IGBP1: variants seen among roughly 807,000 people sequenced by gnomAD.
IGBP1 encodes immunoglobulin-binding protein 1.
A neutral mutation model predicts 25.9 loss-of-function variants in IGBP1; 2 were observed. The observed-to-expected ratio is 0.08, with a 90% CI of 0.03 to 0.24. IGBP1 has a LOEUF of 0.24. IGBP1 is among the 10% of genes least tolerant of loss of function. The pLI, the probability that IGBP1 is intolerant of heterozygous loss-of-function variation, is 1.00. For synonymous variants in IGBP1, 96 were observed against 93.4 expected, an observed-to-expected ratio of 1.03 and a Z score of -0.16; for missense variants, 187 against 260.4, an observed-to-expected ratio of 0.72 and a Z score of 1.94.
chrX:70,145,919 C>T lies in IGBP1; in HGVS notation c.483-714C>T, dbSNP rs904157958. 7.1e-5 allele frequency among the ~76,000 whole-genome samples: 8 copies of T among 112,126 alleles called. 1 individual carries two copies. Among genetic ancestry groups the T allele is most frequent in the Admixed American group, 5.7e-4 (6 of 10,496 alleles). ...CTTTTTGCTCTTTCATAGCACTTATCACGACCTAACTCATCTATTTCTTTT... is the reference window on the plus strand; with the variant it reads ...CTTTTTGCTCTTTCATAGCACTTATTACGACCTAACTCATCTATTTCTTTT... On this transcript the variant is annotated intron_variant, in intron 3 of 6. Transcript: ENST00000356413.
At chrX:70,154,096 C>T (rs1415691233) in intron 6 of IGBP1, among the ~76,000 whole-genome samples, 39 of 92,668 alleles carry the variant, frequency 4.2e-4, no homozygotes, top group Non-Finnish European at 6.3e-4. Flanking sequence ...CTTGCTCTGT[C>T]GCCCAGGCTG....
At chrX:70,164,454 A>AT (rs2085286805) in intron 6 of IGBP1, among the ~76,000 whole-genome samples, 1 of 111,969 alleles carries the variant, frequency 8.9e-6, no homozygotes, top group Non-Finnish European at 1.9e-5. Flanking sequence ...GGGTTATAGA[A>AT]TTTTTTAAAT....
intron 6 of IGBP1, among the ~76,000 whole-genome samples, chrX:70,157,567 C>T (rs1163666505): frequency 8.9e-6 from 1 of 112,495 alleles, no homozygotes; most frequent in Non-Finnish European, 1.9e-5. Context: ...GGTATATTCA[C>T]ACAATGGAAA....
At chrX:70,158,665 C>G (rs2147588657) in intron 6 of IGBP1, among the ~76,000 whole-genome samples, 1 of 109,122 alleles carries the variant, frequency 9.2e-6, no homozygotes, top group African/African-American at 3.4e-5. Flanking sequence ...AACCCCGTCT[C>G]TACTAAAAAT....
intron 5 of IGBP1, chrX:70,149,452 G>A (rs1475548972): frequency 8.8e-6 from 1 of 114,125 alleles, no homozygotes; most frequent in East Asian, 2.8e-4. Context: ...TCAGGAGTTC[G>A]AGACCAGCCT....
At chrX:70,146,873 T>C (rs754860800) in intron 4 of IGBP1, 45 bp downstream of exon 4, 1 of 935,559 alleles carries the variant, frequency 1.1e-6, no homozygotes, top group Admixed American at 2.3e-5. Flanking sequence ...TTGAGTATTC[T>C]ACAGGAGATC....
intron 3 of IGBP1, among the ~76,000 whole-genome samples, chrX:70,137,873 C>T (rs2085105711): frequency 9.2e-6 from 1 of 108,860 alleles, no homozygotes; most frequent in South Asian, 4.0e-4. Context: ...TGGCTTATGC[C>T]TGTAATCCCA....
intron 3 of IGBP1, among the ~76,000 whole-genome samples, chrX:70,137,888 T>G (rs1432343524): frequency 9.2e-6 from 1 of 108,651 alleles, no homozygotes; most frequent in East Asian, 2.9e-4. Flanking sequence ...ATCCCAACAC[T>G]TCGGGAGGCT....
Position 70,142,914 on chromosome X carries a change from TTG to T in IGBP1, c.483-3717_483-3716del, listed in dbSNP as rs1245714426. ...AAAGAGGAAGAGTGAAGTTATCGAGTTGTTTTTTTTTTTTTTTTTTTTTTGTG... is the reference window on the plus strand; with the variant it reads ...AAAGAGGAAGAGTGAAGTTATCGAGTTTTTTTTTTTTTTTTTTTTTTTGTG... On this transcript the variant is annotated intron_variant, in intron 3 of 6. Coordinates refer to ENST00000356413, the MANE Select transcript of IGBP1 (RefSeq NM_001551.3). Among the ~76,000 whole-genome samples the T allele has an allele frequency of 4.7e-5, 4 of 85,107 alleles. No homozygotes were observed. In the East Asian group the frequency reaches 1.3e-3, roughly 28 times the overall value. The allele number at this position is 85,107 out of a possible 115,157, so 73.9% of individuals were successfully genotyped here. A position where few individuals can be genotyped will look rare whatever the true frequency, so the allele number is the denominator to read the frequency against.
Position 70,134,644 on chromosome X carries a change from C to T in IGBP1, c.310C>T (p.Arg104Trp). ...NPSKRLDHLQ[R>W]AREHFINYLT... is the part of the protein sequence containing the mutation. ...CAGCAAGCGTCTAGATCATTTGCAGCGGGCTCGAGAACACTTTATAAACTA... is the reference window on the plus strand; with the variant it reads ...CAGCAAGCGTCTAGATCATTTGCAGTGGGCTCGAGAACACTTTATAAACTA... Residue 104 changes from arginine to tryptophan, a missense_variant, in exon 3 of 7, where the codon CGG becomes TGG. Arg to Trp is a moderately radical substitution (Grantham distance 101, BLOSUM62 -3). Transcript: ENST00000356413. 8.3e-7 allele frequency: 1 copy of T among 1,211,511 alleles called. No homozygotes were observed. The highest frequency in any genetic ancestry group is 1.1e-6 in the Non-Finnish European group (1 of 895,203).
At chrX:70,148,317 C>T (rs944381553) in intron 4 of IGBP1, among the ~76,000 whole-genome samples, 5 of 111,502 alleles carry the variant, frequency 4.5e-5, no homozygotes, top group African/African-American at 1.6e-4. Flanking sequence ...TCTAAAGCAC[C>T]GTAGAAGTTC....
chrX:70,146,497 T>G, intron 3 of IGBP1, 136 bp from the exon 4 acceptor site: 2 of 533,318 alleles, frequency 3.8e-6, no homozygotes, highest in East Asian at 7.3e-5. Flanking sequence ...GGGTATAGAA[T>G]CTATATCCCT....
At chrX:70,165,777 T>C in intron 6 of IGBP1, 56 bp from the exon 7 acceptor site, 1 of 1,093,982 alleles carries the variant, frequency 9.1e-7, no homozygotes, top group Admixed American at 2.5e-5. Context: ...GCCCCTGACG[T>C]TACTTATTAA....
chrX:70,142,104 G>A (rs1396582708), intron 3 of IGBP1, among the ~76,000 whole-genome samples: 2 of 111,536 alleles, frequency 1.8e-5, no homozygotes, highest in Non-Finnish European at 1.9e-5. Context: ...AGGACAAGGC[G>A]GGCAGATTGT....
chrX:70,149,697 CAAAA>C lies in IGBP1; in HGVS notation c.759-510_759-507del, dbSNP rs1299927108. On this transcript the variant is annotated intron_variant, in intron 5 of 6. Transcript: ENST00000356413. ...CACACATGTAAACAAGCAAATAAAA[CAAAA>C]AAGGAAAATAATTGAATGGAGAATT... 2.7e-5 allele frequency: 3 copies of C among 112,723 alleles called. No homozygotes were observed. In the East Asian group the frequency reaches 8.1e-4, roughly 30 times the overall value. The allele number at this position is 112,723 out of a possible 1,213,427, so 9.3% of individuals were successfully genotyped here.
chrX:70,137,452 A>AT (rs759208820), intron 3 of IGBP1, among the ~76,000 whole-genome samples: 3 of 111,307 alleles, frequency 2.7e-5, no homozygotes, highest in Non-Finnish European at 5.6e-5. Flanking sequence ...TTATTCAGAA[A>AT]TATTTATTAA....
At chrX:70,137,422 G>A (rs2085101455) in intron 3 of IGBP1, among the ~76,000 whole-genome samples, 1 of 111,359 alleles carries the variant, frequency 9.0e-6, no homozygotes, top group African/African-American at 3.3e-5. Flanking sequence ...GCTTGGTCTA[G>A]AGAGCTGAAG....
intron 6 of IGBP1, among the ~76,000 whole-genome samples, chrX:70,152,214 CT>C (rs2085207568): frequency 9.0e-6 from 1 of 111,104 alleles, no homozygotes; most frequent in Admixed American, 9.6e-5. Flanking sequence ...TATATAAACC[CT>C]ACTGAAATCT....
intron 6 of IGBP1, among the ~76,000 whole-genome samples, chrX:70,152,632 GA>G (rs1284247631): frequency 8.9e-6 from 1 of 111,905 alleles, no homozygotes; most frequent in Non-Finnish European, 1.9e-5. Flanking sequence ...TGTAATTAAT[GA>G]AAAGATAAGA....
Sources: allele counts gnomAD v4.1 joint callset (sites outside exome capture counted in the v4.1 genomes callset), GRCh38; gene constraint gnomAD v4.1.1; transcripts MANE v1.5; gene names NCBI Gene and HGNC (gene_info 2026-07-23, HGNC 2026-07-21).